The following EFNA5 variants were observed in gnomAD, a reference collection of about 807,000 sequenced individuals.
EFNA5 encodes ephrin-A5.
EFNA5 carries 5 observed loss-of-function variants against 22.9 expected under a neutral mutation model. That is an observed-to-expected ratio of 0.22 (90% CI 0.11 to 0.46). The LOEUF (loss-of-function observed/expected upper bound fraction) is 0.46. Among genes scored for constraint, EFNA5 ranks in the 20% least tolerant of loss-of-function variants. The probability of loss-of-function intolerance (pLI) is 0.99; values close to 1 mark genes in which losing one functional copy is unlikely to be tolerated. For synonymous variants in EFNA5, 113 were observed against 112.2 expected, an observed-to-expected ratio of 1.01 and a Z score of -0.04; for missense variants, 237 against 293.3, an observed-to-expected ratio of 0.81 and a Z score of 1.40.
intron 1 of EFNA5, among the ~76,000 whole-genome samples, chr5:107,515,748 T>C (rs536793243): frequency 2.0e-5 from 3 of 152,202 alleles, no homozygotes; most frequent in Non-Finnish European, 4.4e-5. Context: ...CAATGTGTTA[T>C]AATACAGAAC....
chr5:107,592,099 T>C (rs866955169), intron 1 of EFNA5, among the ~76,000 whole-genome samples: 1 of 88,340 alleles, frequency 1.1e-5, no homozygotes, highest in Non-Finnish European at 1.9e-5. Flanking sequence ...TTAATAAAAA[T>C]ATATTTTATA....
At chr5:107,415,616 CTG>C (rs1354562596) in intron 2 of EFNA5, among the ~76,000 whole-genome samples, 1 of 152,178 alleles carries the variant, frequency 6.6e-6, no homozygotes, top group Admixed American at 6.5e-5. Context: ...AAGATCCCCT[CTG>C]TGTAAAATCT....
intron 1 of EFNA5, among the ~76,000 whole-genome samples, chr5:107,434,152 G>C (rs1470577394): frequency 6.6e-6 from 1 of 152,130 alleles, no homozygotes; most frequent in African/African-American, 2.4e-5. Flanking sequence ...AACTTGGGTG[G>C]CTGAAAAAGG....
chr5:107,569,047 A>T (rs892866910), intron 1 of EFNA5, among the ~76,000 whole-genome samples: 4 of 152,180 alleles, frequency 2.6e-5, no homozygotes, highest in African/African-American at 9.7e-5. Context: ...TTTAATAAAC[A>T]CATGCCTGTA....
intron 1 of EFNA5, among the ~76,000 whole-genome samples, chr5:107,587,660 G>A (rs545910960): frequency 3.3e-5 from 5 of 152,234 alleles, no homozygotes; most frequent in African/African-American, 1.2e-4. Context: ...GGGACTACAG[G>A]TGCCCACCAC....
intron 1 of EFNA5, among the ~76,000 whole-genome samples, chr5:107,592,052 TAAACATATATTTATAATAA>T (rs1749379743): frequency 1.1e-5 from 1 of 90,898 alleles, no homozygotes; most frequent in Admixed American, 1.8e-4. Context: ...TATTATACAT[TAAACATATATTTATAATAA>T]TAATAAATTA....
chr5:107,640,432 T>C (rs2112543584), intron 1 of EFNA5, among the ~76,000 whole-genome samples: 1 of 152,360 alleles, frequency 6.6e-6, no homozygotes, highest in Non-Finnish European at 1.5e-5. Context: ...AAATGTTATT[T>C]TAATGTGAAG....
intron 1 of EFNA5, among the ~76,000 whole-genome samples, chr5:107,555,496 T>C (rs955708798): frequency 1.3e-5 from 2 of 152,220 alleles, no homozygotes; most frequent in African/African-American, 4.8e-5. Context: ...AAGTCATCAA[T>C]GTAAAGAGAT....
chr5:107,572,378 C>T (rs1748832926), intron 1 of EFNA5, among the ~76,000 whole-genome samples: 1 of 152,142 alleles, frequency 6.6e-6, no homozygotes, highest in African/African-American at 2.4e-5. Context: ...TTTGTCCAGT[C>T]ACGGTTCTCT....
At chr5:107,529,461 G>A (rs561413879) in intron 1 of EFNA5, among the ~76,000 whole-genome samples, 5 of 152,212 alleles carry the variant, frequency 3.3e-5, no homozygotes, top group Non-Finnish European at 7.4e-5. Flanking sequence ...ATTCTCAGAG[G>A]ATCTGGCTTT....
At chr5:107,543,171 C>T (rs1748080378) in intron 1 of EFNA5, among the ~76,000 whole-genome samples, 1 of 152,100 alleles carries the variant, frequency 6.6e-6, no homozygotes, top group Non-Finnish European at 1.5e-5. Context: ...TACACAACAG[C>T]TGATACATCT....
chr5:107,630,921 A>G (rs898838508), intron 1 of EFNA5, among the ~76,000 whole-genome samples: 3 of 152,078 alleles, frequency 2.0e-5, no homozygotes, highest in African/African-American at 4.8e-5. Flanking sequence ...CTAGGCCTCC[A>G]CAGGGTGAGA....
chr5:107,542,125 A>G (rs776258010), intron 1 of EFNA5, among the ~76,000 whole-genome samples: 15 of 152,356 alleles, frequency 9.8e-5, no homozygotes, highest in Middle Eastern at 3.4e-3. Flanking sequence ...GAAAGAGTTC[A>G]TATGAGACAA....
chr5:107,477,475 T>A (rs1750342239), intron 1 of EFNA5, among the ~76,000 whole-genome samples: 1 of 152,240 alleles, frequency 6.6e-6, no homozygotes, highest in South Asian at 2.1e-4. Context: ...CATGAGGTAT[T>A]ACTGCTCTAG....
chr5:107,473,426 C>G (rs1750197052), intron 1 of EFNA5, among the ~76,000 whole-genome samples: 1 of 152,090 alleles, frequency 6.6e-6, no homozygotes, highest in Admixed American at 6.5e-5. Flanking sequence ...TTCATATACA[C>G]ACCAAGAAGA....
chr5:107,625,441 T>C (rs1302929717), intron 1 of EFNA5, among the ~76,000 whole-genome samples: 2 of 152,076 alleles, frequency 1.3e-5, no homozygotes, highest in Non-Finnish European at 2.9e-5. Flanking sequence ...GCAGCATGCC[T>C]TGTTGATTAT....
chr5:107,456,909 A>T (rs1749711904), intron 1 of EFNA5, among the ~76,000 whole-genome samples: 1 of 152,040 alleles, frequency 6.6e-6, no homozygotes, highest in African/African-American at 2.4e-5. Context: ...ACAACCCTGA[A>T]TGTTCATTCT....
At chr5:107,635,148 C>T (rs75019452) in intron 1 of EFNA5, among the ~76,000 whole-genome samples, 205 of 152,246 alleles carry the variant, frequency 1.3e-3, no homozygotes, top group African/African-American at 4.7e-3. Context: ...CAAATTAAAG[C>T]GGAGCAAAGC....
chr5:107,551,820 T>C (rs1010399006), intron 1 of EFNA5, among the ~76,000 whole-genome samples: 47 of 152,136 alleles, frequency 3.1e-4, no homozygotes, highest in African/African-American at 1.1e-3. Flanking sequence ...AAAATTTTAA[T>C]ATAAAAACAT....
Sources: gnomAD v4.1 joint callset for allele counts (sites outside exome capture counted in the v4.1 genomes callset) on GRCh38, gnomAD v4.1.1 for gene constraint, MANE v1.5 for transcripts, NCBI Gene and HGNC (gene_info 2026-07-23, HGNC 2026-07-21) for gene names.